Variants in SULT2B1 observed in about 807,000 individuals in gnomAD.
SULT2B1 encodes sulfotransferase family 2B member 1, also known as sulfotransferase 2B1.
A neutral mutation model predicts 33.2 loss-of-function variants in SULT2B1; 16 were observed. That is an observed-to-expected ratio of 0.48 (90% CI 0.33 to 0.73). The LOEUF (loss-of-function observed/expected upper bound fraction) is 0.73. SULT2B1 is among the 30% of genes least tolerant of loss of function. The pLI, the probability that SULT2B1 is intolerant of heterozygous loss-of-function variation, is 0.02. For synonymous variants in SULT2B1, 186 were observed against 200.5 expected, an observed-to-expected ratio of 0.93 and a Z score of 0.61; for missense variants, 500 against 506.0, an observed-to-expected ratio of 0.99 and a Z score of 0.11.
Position 48,596,795 on chromosome 19 carries a change from G to C in SULT2B1, c.702G>C (p.Lys234Asn). Reference sequence around the variant, plus strand: ...GGTTCCTGGGCCGTCCGCTGGGCAAGGAGGCACTGGGCTCCGTCGTGGCAC... The same window carrying C: ...GGTTCCTGGGCCGTCCGCTGGGCAACGAGGCACTGGGCTCCGTCGTGGCAC... ...ICGFLGRPLG[K>N]EALGSVVAHS... The change falls in exon 6 of 7, where the codon AAG becomes AAC. Residue 234 changes from lysine (K) to asparagine (N), a missense_variant. Transcript: ENST00000201586. 1 of 1,609,656 alleles carries C rather than the reference G, an allele frequency of 6.2e-7. No homozygotes were observed. The highest frequency in any genetic ancestry group is 8.5e-7 in the Non-Finnish European group (1 of 1,179,964).
At chr19:48,569,361 AACATATATATATATATATATAT>A (rs1568405763) in intron 1 of SULT2B1, among the ~76,000 whole-genome samples, 23 of 9,962 alleles carry the variant, frequency 2.3e-3, no homozygotes, top group Admixed American at 6.6e-3. Flanking sequence ...AAAAAAAAAA[AACATATATATATATATATATAT>A]ATATATATAT....
intron 1 of SULT2B1, among the ~76,000 whole-genome samples, chr19:48,569,824 G>A (rs1383645333): frequency 2.0e-5 from 3 of 151,460 alleles, no homozygotes; most frequent in South Asian, 2.1e-4. Flanking sequence ...GCGCCACCAC[G>A]CCTGGCTAAT....
chr19:48,557,034 G>A (rs776128439), intron 1 of SULT2B1, among the ~76,000 whole-genome samples: 1 of 151,848 alleles, frequency 6.6e-6, no homozygotes, highest in African/African-American at 2.4e-5. Flanking sequence ...AGTATCATTT[G>A]AGGCCAGGAG....
intron 1 of SULT2B1, among the ~76,000 whole-genome samples, chr19:48,561,722 A>G (rs1324267206): frequency 6.6e-6 from 1 of 152,146 alleles, no homozygotes; most frequent in African/African-American, 2.4e-5. Context: ...GTCAGGCTTC[A>G]AGGGACAGAG....
chr19:48,554,412 G>GC (rs1270886155), intron 1 of SULT2B1, among the ~76,000 whole-genome samples: 1 of 92,730 alleles, frequency 1.1e-5, no homozygotes, highest in African/African-American at 4.5e-5. Flanking sequence ...CCCTCTGCTC[G>GC]CCCCCAGCCT....
intron 6 of SULT2B1, among the ~76,000 whole-genome samples, chr19:48,597,297 C>CA (rs1397386923): frequency 1.3e-5 from 2 of 149,666 alleles, no homozygotes; most frequent in East Asian, 3.9e-4. Flanking sequence ...CCTGCTGTAA[C>CA]AAAAACACCG....
intron 2 of SULT2B1, 97 bp downstream of exon 2, chr19:48,576,180 A>AAG: frequency 8.6e-7 from 1 of 1,165,614 alleles, no homozygotes; most frequent in Non-Finnish European, 1.2e-6. Flanking sequence ...GGAGGAGGAA[A>AAG]AGTGGGGCCG....
intron 2 of SULT2B1, among the ~76,000 whole-genome samples, chr19:48,586,096 C>A (rs1425853098): frequency 6.6e-6 from 1 of 152,016 alleles, no homozygotes; most frequent in African/African-American, 2.4e-5. Context: ...GTTGTGTGCA[C>A]CTGTGGTCTC....
chr19:48,566,283 A>C (rs1444546835), intron 1 of SULT2B1, among the ~76,000 whole-genome samples: 4 of 152,154 alleles, frequency 2.6e-5, no homozygotes, highest in East Asian at 1.9e-4. Context: ...GCTGGTCTCA[A>C]ACTCCTAGGC....
intron 6 of SULT2B1, among the ~76,000 whole-genome samples, chr19:48,598,691 G>A (rs1484028676): frequency 6.6e-6 from 1 of 152,100 alleles, no homozygotes; most frequent in Non-Finnish European, 1.5e-5. Flanking sequence ...TGCAGAAGGG[G>A]GTCCCTTCCA....
At chr19:48,562,380 C>G (rs935595182) in intron 1 of SULT2B1, among the ~76,000 whole-genome samples, 2 of 149,574 alleles carry the variant, frequency 1.3e-5, no homozygotes, top group African/African-American at 4.9e-5. Flanking sequence ...GAGCGAAACT[C>G]TGTCTCAAAA....
At position 48,586,970 on chromosome 19, in the gene SULT2B1, C is replaced by T. The variant is rs1487067893; in HGVS notation, c.215-259C>T. Among the ~76,000 whole-genome samples, 8 of 151,942 alleles carry T rather than the reference C, an allele frequency of 5.3e-5. No individual in the cohort carries two copies. In the East Asian group the frequency reaches 1.2e-3, roughly 22 times the overall value. ...TACTAAAAATACAAAATTAGCCAGG[C>T]GTGGTGGTGGGCGCTTGTAATGCTA... On this transcript the variant is annotated intron_variant, in intron 2 of 6. Transcript: ENST00000201586.
At chr19:48,564,725 T>C (rs772006465) in intron 1 of SULT2B1, among the ~76,000 whole-genome samples, 16 of 152,080 alleles carry the variant, frequency 1.1e-4, no homozygotes, top group Non-Finnish European at 2.1e-4. Context: ...TTAAATTTTA[T>C]TATATAGTAC....
chr19:48,580,644 G>A (rs1973474009), intron 2 of SULT2B1, among the ~76,000 whole-genome samples: 2 of 151,866 alleles, frequency 1.3e-5, no homozygotes, highest in Non-Finnish European at 2.9e-5. Flanking sequence ...AGCATCAACA[G>A]AGATTTACTT....
At chr19:48,598,196 G>T (rs1198979311) in intron 6 of SULT2B1, among the ~76,000 whole-genome samples, 1 of 152,154 alleles carries the variant, frequency 6.6e-6, no homozygotes, top group African/African-American at 2.4e-5. Flanking sequence ...GTAACATGGG[G>T]CACGTGCACT....
chr19:48,587,279 C>A lies in SULT2B1; in HGVS notation c.265C>A (p.Pro89Thr). Residue 89 changes from proline (P) to threonine (T), a missense_variant, in exon 3 of 7, where the codon CCA becomes ACA. By Grantham distance (38) the Pro-to-Thr change is conservative. Transcript: ENST00000201586. ...IICLILKEGD[P>T]SWIRSVPIWE... ...CTGCTTAATCCTGAAGGAAGGGGAT[C>A]CATCCTGGATCCGCTCCGTGCCCAT... 1 of 1,614,012 alleles carries A rather than the reference C, an allele frequency of 6.2e-7. No homozygotes were observed. The highest frequency in any genetic ancestry group is 8.5e-7 in the Non-Finnish European group (1 of 1,179,986).
intron 3 of SULT2B1, among the ~76,000 whole-genome samples, 169 bp downstream of exon 3, chr19:48,587,606 C>T (rs1256706522): frequency 1.3e-5 from 2 of 152,082 alleles, no homozygotes; most frequent in East Asian, 3.9e-4. Flanking sequence ...AATGCCTGCC[C>T]TTTGGCAGGG....
At chr19:48,586,892 C>T (rs931175780) in intron 2 of SULT2B1, among the ~76,000 whole-genome samples, 1 of 152,076 alleles carries the variant, frequency 6.6e-6, no homozygotes, top group Non-Finnish European at 1.5e-5. Flanking sequence ...GGGCAGAGCA[C>T]CTGAGGTCAG....
rs1481317327 is a variant in SULT2B1, at chr19:48,592,817, G to GTT, written c.645+2_645+3insTT. ...TATCACCTACGAGGAGCTGCAGCAGGTGAGTCCCCACCTCCTCCAGGTGCA... is the reference window on the plus strand; with the variant it reads ...TATCACCTACGAGGAGCTGCAGCAGGTTTGAGTCCCCACCTCCTCCAGGTGCA... On this transcript the variant is annotated splice_donor_variant, in intron 5 of 6. Coordinates refer to ENST00000201586, the MANE Select transcript of SULT2B1 (RefSeq NM_177973.2). LOFTEE classifies it high-confidence loss of function. The GTT allele has an allele frequency of 3.8e-6, 6 of 1,561,926 alleles. No individual in the cohort carries two copies. The highest frequency in any genetic ancestry group is 5.2e-6 in the Non-Finnish European group (6 of 1,151,914).
Sources: gnomAD v4.1 joint callset for allele counts (sites outside exome capture counted in the v4.1 genomes callset) on GRCh38, gnomAD v4.1.1 for gene constraint, MANE v1.5 for transcripts, NCBI Gene and HGNC (gene_info 2026-07-23, HGNC 2026-07-21) for gene names.